The following SLC25A21 variants were observed in gnomAD, a reference collection of about 807,000 sequenced individuals.
SLC25A21 encodes the protein mitochondrial 2-oxodicarboxylate carrier.
Under a neutral mutation model 43.8 loss-of-function variants are expected in SLC25A21, and 47 were observed. The ratio of observed to expected loss-of-function variants is 1.07; its 90% confidence interval spans 0.85 to 1.37. The LOEUF is 1.37. Among genes scored for constraint, SLC25A21 ranks in the 40% most tolerant of loss-of-function variants. The pLI, the probability that SLC25A21 is intolerant of heterozygous loss-of-function variation, is 0.00. For synonymous variants in SLC25A21, 131 were observed against 121.3 expected, an observed-to-expected ratio of 1.08 and a Z score of -0.52; for missense variants, 352 against 350.2, an observed-to-expected ratio of 1.00 and a Z score of -0.04.
Position 37,162,680 on chromosome 14 carries a change from T to C in SLC25A21, c.70+9601A>G, listed in dbSNP as rs369267248. ...GGATGTAGAGAAATAGGAACACTTT[T>C]ACACTGTTGGTGGGACTGTAAACTA... On this transcript the variant is annotated intron_variant, in intron 1 of 9. Transcript: ENST00000331299. Among the ~76,000 whole-genome samples the C allele has an allele frequency of 2.2e-3, 340 of 152,310 alleles. 3 individuals carry two copies. Among genetic ancestry groups the C allele is most frequent in the South Asian group, 7.7e-3 (37 of 4,826 alleles).
At chr14:36,979,958 G>A (rs1326677370) in intron 1 of SLC25A21, among the ~76,000 whole-genome samples, 1 of 151,966 alleles carries the variant, frequency 6.6e-6, no homozygotes. Context: ...TGAAGGGCAG[G>A]GACAGGATCC....
intron 1 of SLC25A21, among the ~76,000 whole-genome samples, chr14:37,059,072 T>G (rs1961889659): frequency 6.6e-6 from 1 of 152,242 alleles, no homozygotes; most frequent in South Asian, 2.1e-4. Flanking sequence ...CTTTTCTTAT[T>G]TTAAACCATG....
intron 2 of SLC25A21, among the ~76,000 whole-genome samples, chr14:36,871,102 T>C (rs539650554): frequency 1.0e-3 from 156 of 152,240 alleles, no homozygotes; most frequent in Admixed American, 1.8e-3. Flanking sequence ...CCCCTGGCTA[T>C]GGTCTGAATG....
intron 6 of SLC25A21, among the ~76,000 whole-genome samples, chr14:36,712,403 T>C (rs746226493): frequency 1.6e-4 from 24 of 152,128 alleles, no homozygotes; most frequent in Non-Finnish European, 2.4e-4. Flanking sequence ...TTGTTTGATA[T>C]TTCACTAAAG....
chr14:36,697,738 C>CTTTTTTTTTTTCTT (rs757711209), intron 7 of SLC25A21, among the ~76,000 whole-genome samples: 1 of 111,662 alleles, frequency 9.0e-6, no homozygotes, highest in Admixed American at 9.4e-5. Context: ...GCAAGCCCTA[C>CTTTTTTTTTTTCTT]TTTTTTTTTT....
chr14:36,929,579 T>C (rs1266423106), intron 1 of SLC25A21, among the ~76,000 whole-genome samples: 1 of 152,120 alleles, frequency 6.6e-6, no homozygotes, highest in African/African-American at 2.4e-5. Context: ...AGGAATCGCA[T>C]GGTTCGAAGT....
At chr14:36,906,335 G>C (rs940114485) in intron 1 of SLC25A21, among the ~76,000 whole-genome samples, 4 of 152,026 alleles carry the variant, frequency 2.6e-5, no homozygotes, top group Non-Finnish European at 5.9e-5. Context: ...AAATCAGAGA[G>C]AATTCTGTCA....
intron 1 of SLC25A21, among the ~76,000 whole-genome samples, chr14:37,122,178 T>G (rs1963221024): frequency 6.6e-6 from 1 of 152,242 alleles, no homozygotes; most frequent in Non-Finnish European, 1.5e-5. Flanking sequence ...ACTAATGTCC[T>G]ACCAAACACA....
At chr14:36,841,747 G>A (rs756998959) in intron 2 of SLC25A21, among the ~76,000 whole-genome samples, 4 of 152,024 alleles carry the variant, frequency 2.6e-5, no homozygotes, top group Non-Finnish European at 5.9e-5. Context: ...GGCCAAACAC[G>A]TGCCGTGGGC....
intron 1 of SLC25A21, among the ~76,000 whole-genome samples, chr14:37,032,278 G>A (rs751683794): frequency 6.6e-6 from 1 of 152,174 alleles, no homozygotes; most frequent in Non-Finnish European, 1.5e-5. Context: ...GCTCACGCTT[G>A]TAATCCTAGC....
At chr14:36,860,841 A>G (rs1353929843) in intron 2 of SLC25A21, among the ~76,000 whole-genome samples, 5 of 152,250 alleles carry the variant, frequency 3.3e-5, no homozygotes, top group African/African-American at 7.2e-5. Flanking sequence ...TAAAAAACAG[A>G]AATGCATATC....
chr14:36,849,318 T>C (rs948462104), intron 2 of SLC25A21, among the ~76,000 whole-genome samples: 2 of 152,150 alleles, frequency 1.3e-5, no homozygotes, highest in Non-Finnish European at 2.9e-5. Context: ...ATGAAACACT[T>C]CCATATTGAG....
chr14:37,123,358 C>T (rs575492368), intron 1 of SLC25A21, among the ~76,000 whole-genome samples: 2 of 152,234 alleles, frequency 1.3e-5, no homozygotes, highest in Admixed American at 1.3e-4. Context: ...AAGAAAAGAA[C>T]GTTCAGATCT....
chr14:37,143,694 T>C (rs946374771), intron 1 of SLC25A21, among the ~76,000 whole-genome samples: 5 of 152,112 alleles, frequency 3.3e-5, no homozygotes, highest in African/African-American at 9.7e-5. Context: ...ATTGTCAGCA[T>C]GGATCAGATA....
At chr14:36,691,349 G>C (rs528095705) in intron 7 of SLC25A21, among the ~76,000 whole-genome samples, 2 of 152,270 alleles carry the variant, frequency 1.3e-5, no homozygotes, top group East Asian at 3.9e-4. Context: ...CCTAAGTCAA[G>C]TATTTTGAAT....
chr14:36,704,183 T>G (rs1208280368), intron 7 of SLC25A21, among the ~76,000 whole-genome samples: 1 of 152,182 alleles, frequency 6.6e-6, no homozygotes, highest in Non-Finnish European at 1.5e-5. Context: ...CAGGGCCGTG[T>G]CTCATAATTC....
intron 1 of SLC25A21, among the ~76,000 whole-genome samples, chr14:36,938,505 C>CTTCTA (rs1225494396): frequency 6.6e-6 from 1 of 152,088 alleles, no homozygotes; most frequent in Non-Finnish European, 1.5e-5. Context: ...GTGTTACGGC[C>CTTCTA]TTCTAAGTCT....
chr14:37,024,169 T>C (rs1378091961), intron 1 of SLC25A21, among the ~76,000 whole-genome samples: 1 of 152,100 alleles, frequency 6.6e-6, no homozygotes, highest in Non-Finnish European at 1.5e-5. Context: ...TTCATTGCAA[T>C]GCGTAGCTTT....
At chr14:36,966,410 T>TA (rs1045842009) in intron 1 of SLC25A21, among the ~76,000 whole-genome samples, 2 of 152,290 alleles carry the variant, frequency 1.3e-5, no homozygotes, top group South Asian at 2.1e-4. Flanking sequence ...TGGAATTGTT[T>TA]AGAGTCTTTT....
Sources: gnomAD v4.1 joint callset for allele counts (sites outside exome capture counted in the v4.1 genomes callset) on GRCh38, gnomAD v4.1.1 for gene constraint, MANE v1.5 for transcripts, NCBI Gene and HGNC (gene_info 2026-07-23, HGNC 2026-07-21) for gene names.